Variants in CERS1 observed in about 807,000 individuals in gnomAD.
The protein encoded by CERS1 is Embryonic growth/differentiation factor 1.
In CERS1, 16 loss-of-function variants were observed where a neutral mutation model predicts 35.7. That is an observed-to-expected ratio of 0.45 (90% confidence interval 0.30 to 0.68). The LOEUF is 0.68. CERS1 is among the 30% of genes least tolerant of loss of function. The pLI is 0.08. For synonymous variants in CERS1, 243 were observed against 201.6 expected (o/e 1.21, Z -1.74); for missense variants, 454 against 453.9 (o/e 1.00, Z 0.00).
Position 18,879,356 on chromosome 19 carries a change from T to C in CERS1, c.785A>G (p.Lys262Arg), listed in dbSNP as rs1159373768. The change falls in exon 5 of 8, where the codon AAG (lysine) becomes AGG (arginine). Residue 262 changes from lysine (K) to arginine (R), a missense_variant. Transcript: ENST00000623882. ...FWFRLYWFPL[K>R]VLYATSHCSL... ...GCAGTGACTGGTGGCATACAGGACCTTGAGCGGGAACCAGTAGAGGCGGAA... is the reference window on the plus strand; with the variant it reads ...GCAGTGACTGGTGGCATACAGGACCCTGAGCGGGAACCAGTAGAGGCGGAA... 1.3e-5 allele frequency: 21 copies of C among 1,589,566 alleles called. No homozygotes were observed. The highest frequency in any genetic ancestry group is 2.3e-5 in the East Asian group (1 of 43,660).
chr19:18,878,282 C>T lies in CERS1; in HGVS notation c.1010+648G>A, dbSNP rs2056101981. 2 of 986,048 alleles carry T rather than the reference C, an allele frequency of 2.0e-6. No homozygotes were observed. The highest frequency in any genetic ancestry group is 1.7e-5 in the African/African-American group (1 of 57,314). The allele number at this position is 986,048 out of a possible 1,614,324, so 61.1% of individuals were successfully genotyped here. A position where few individuals can be genotyped will look rare whatever the true frequency, so the allele number is the denominator to read the frequency against. Reference sequence around the variant, plus strand: ...GTTACCCAGTTTGGCCTCCGTTCATCCCTGGCCCAGACACCCCCTGCCTGC... The same window carrying T: ...GTTACCCAGTTTGGCCTCCGTTCATTCCTGGCCCAGACACCCCCTGCCTGC... On this transcript the variant is annotated intron_variant, in intron 6 of 7. Coordinates refer to ENST00000623882, the MANE Select transcript of CERS1 (RefSeq NM_021267.5). The surrounding 1 kb of genome is among the most constrained non-coding windows in gnomAD (Gnocchi z 4.6).
At chr19:18,876,292 G>A (rs1414012065) in intron 6 of CERS1, among the ~76,000 whole-genome samples, 1 of 148,988 alleles carries the variant, frequency 6.7e-6, no homozygotes, top group Non-Finnish European at 1.5e-5. Context: ...GGTCTTCAAT[G>A]CCATTTTTGA....
upstream of CERS1, chr19:18,896,431 G>C (rs1350340472): frequency 6.8e-6 from 1 of 147,104 alleles, no homozygotes; most frequent in East Asian, 2.1e-4. This position sits in a 1 kb window ranked among gnomAD's most constrained non-coding sequence, Gnocchi z 5.9. Flanking sequence ...ACCCCACCGC[G>C]CCGTGCCCGT....
At chr19:18,883,341 G>A (rs2056261553) in intron 3 of CERS1, 1 of 152,144 alleles carries the variant, frequency 6.6e-6, no homozygotes, top group Admixed American at 6.5e-5. Context: ...AATTAATTCA[G>A]TATATCCAAA....
chr19:18,886,273 G>C (rs1457571383), intron 2 of CERS1, among the ~76,000 whole-genome samples: 3 of 152,240 alleles, frequency 2.0e-5, no homozygotes, highest in African/African-American at 7.2e-5. Context: ...GCTGGGGCCG[G>C]GCGCAGTGGC....
At chr19:18,882,091 T>C (rs1326403350) in intron 3 of CERS1, 2 of 154,312 alleles carry the variant, frequency 1.3e-5, no homozygotes, top group African/African-American at 4.8e-5. Context: ...ATTACAGGCA[T>C]GAGCCACTGC....
At chr19:18,879,656 T>G (rs2056149517) in intron 4 of CERS1, among the ~76,000 whole-genome samples, 1 of 72,620 alleles carries the variant, frequency 1.4e-5, no homozygotes. Flanking sequence ...CCCTTCCCAG[T>G]CCCTCCCCTT....
intron 5 of CERS1, 70 bp downstream of exon 5, chr19:18,879,171 C>T (rs1203028529): frequency 6.2e-6 from 10 of 1,603,300 alleles, no homozygotes; most frequent in Non-Finnish European, 8.5e-6. Context: ...CCCGGGACTG[C>T]CTGAGGAGGG....
In CERS1 at chr19:18,879,265, G is replaced by A. The variant is rs1047604923; in HGVS notation, c.876C>T (p.Thr292=). 43 of 1,613,548 alleles carry A rather than the reference G, an allele frequency of 2.7e-5. No homozygotes were observed. Among genetic ancestry groups the A allele is most frequent in the Non-Finnish European group, 3.3e-5 (39 of 1,179,780 alleles). The stretch of plus-strand genomic sequence containing the variant: ...CCAGGAACCAGTAGAGGTTCATAAG[G>A]GTGAGCAGCAGCAGGAGCGCATTGA... ...FFFNALLLLL[T]LMNLYWFLYI... Residue 292 remains threonine (T), a synonymous_variant, in exon 5 of 8, where the codon ACC becomes ACT. Coordinates refer to ENST00000623882, the MANE Select transcript of CERS1 (RefSeq NM_021267.5).
At chr19:18,874,971 A>G (rs949980644) in intron 6 of CERS1, among the ~76,000 whole-genome samples, 2 of 152,228 alleles carry the variant, frequency 1.3e-5, no homozygotes, top group Admixed American at 6.5e-5. Flanking sequence ...AAAGTGGCTC[A>G]TGCCTGTAAT....
chr19:18,868,717 G>A lies in CERS1; in HGVS notation c.*1268C>T, dbSNP rs376692379. 94 of 1,544,948 alleles carry A rather than the reference G, an allele frequency of 6.1e-5. No individual in the cohort carries two copies. Among genetic ancestry groups the A allele is most frequent in the Non-Finnish European group, 7.6e-5 (87 of 1,143,300 alleles). On this transcript the variant is annotated 3_prime_UTR_variant, in exon 8 of 8. Transcript: ENST00000623882. ...GGCGCGCGGGCACGCAGCAGGGCAG[G>A]TCGGCGGCTCCCGGGGCGGCCGCGT...
chr19:18,869,524 G>C, intron 7 of CERS1, 134 bp from the exon 8 acceptor site: 1 of 1,257,478 alleles, frequency 8.0e-7, no homozygotes, highest in South Asian at 1.5e-5. Flanking sequence ...TGAAGCGGCG[G>C]GGTGGGCTGA....
Position 18,869,049 on chromosome 19 carries a change from C to A in CERS1, c.*936G>T, listed in dbSNP as rs1161508110. On this transcript the variant is annotated 3_prime_UTR_variant, in exon 8 of 8. Transcript: ENST00000623882. ...GCCAGGCGCGCGCAGGCGGCAGGGGCCCGGGGGCGTAGCGCCAGCGCCAGG... is the reference window on the plus strand; with the variant it reads ...GCCAGGCGCGCGCAGGCGGCAGGGGACCGGGGGCGTAGCGCCAGCGCCAGG... 1.9e-6 allele frequency: 2 copies of A among 1,065,606 alleles called. No individual in the cohort carries two copies. The highest frequency in any genetic ancestry group is 2.3e-6 in the Non-Finnish European group (2 of 882,784). 66.0% of individuals were successfully genotyped at this position (1,065,606 alleles called of 1,614,324 possible).
At chr19:18,873,265 T>C (rs1000542322) in intron 6 of CERS1, among the ~76,000 whole-genome samples, 6 of 152,042 alleles carry the variant, frequency 3.9e-5, no homozygotes, top group African/African-American at 1.4e-4. Context: ...AGATGGAGAA[T>C]GGCACTCAGG....
intron 2 of CERS1, among the ~76,000 whole-genome samples, chr19:18,890,549 G>T (rs995050115): frequency 6.6e-6 from 1 of 152,032 alleles, no homozygotes; most frequent in Non-Finnish European, 1.5e-5. Context: ...AGGCTGAGGT[G>T]GGAGGACTGC....
intron 2 of CERS1, among the ~76,000 whole-genome samples, chr19:18,893,054 T>C (rs546472736): frequency 4.6e-5 from 7 of 151,082 alleles, no homozygotes; most frequent in Admixed American, 6.6e-5. Context: ...GTAGCTGGGA[T>C]TACAGGCGCC....
chr19:18,871,612 G>A (rs920337664), intron 6 of CERS1, among the ~76,000 whole-genome samples: 56 of 152,136 alleles, frequency 3.7e-4, no homozygotes, highest in Non-Finnish European at 1.5e-4. Flanking sequence ...TCAAACTCCT[G>A]GGCTCAAGCA....
rs1265746271 is a variant in CERS1, at chr19:18,870,983, A to C, written c.1011-364T>G. 6.6e-6 allele frequency among the ~76,000 whole-genome samples: 1 copy of C among 151,892 alleles called. No homozygotes were observed. Among genetic ancestry groups the C allele is most frequent in the African/African-American group, 2.4e-5 (1 of 41,290 alleles). ...CACCGCCTCCACAGTGGGACCCTGCACATCCTCCTCTCCTCTGCCACCCAC... is the reference window on the plus strand; with the variant it reads ...CACCGCCTCCACAGTGGGACCCTGCCCATCCTCCTCTCCTCTGCCACCCAC... On this transcript the variant is annotated intron_variant, in intron 6 of 7. Transcript: ENST00000623882. The surrounding 1 kb of genome is among the most constrained non-coding windows in gnomAD (Gnocchi z 5.1).
In CERS1 at chr19:18,896,102, C is replaced by G. The variant is rs1485388594; in HGVS notation, c.-30G>C. ...CCCGCTCGCCCGCCGTGCCCGTCGC[C>G]TGCGCCCGCCCGCGGTAGCCGACGG... On this transcript the variant is annotated 5_prime_UTR_variant, in exon 1 of 8. Coordinates refer to ENST00000623882, the MANE Select transcript of CERS1 (RefSeq NM_021267.5). The surrounding 1 kb of genome is among the most constrained non-coding windows in gnomAD (Gnocchi z 5.9). The G allele has an allele frequency of 1.1e-5, 10 of 879,042 alleles. No individual in the cohort carries two copies. Among genetic ancestry groups the G allele is most frequent in the Non-Finnish European group, 1.4e-5 (10 of 735,750 alleles). The allele number at this position is 879,042 out of a possible 1,614,324, so 54.5% of individuals were successfully genotyped here.
Sources: gnomAD v4.1 joint callset for allele counts (sites outside exome capture counted in the v4.1 genomes callset) on GRCh38, gnomAD v4.1.1 for gene constraint, Gnocchi (gnomAD v3.1) non-coding constraint, MANE v1.5 for transcripts, NCBI Gene and HGNC (gene_info 2026-07-23, HGNC 2026-07-21) for gene names.